RYR2: variants seen among roughly 807,000 people sequenced by gnomAD.
The protein encoded by RYR2 is cardiac muscle ryanodine receptor-calcium release channel.
A neutral mutation model predicts 601.1 loss-of-function variants in RYR2; 227 were observed. The ratio of observed to expected loss-of-function variants is 0.38; its 90% CI spans 0.34 to 0.42. The LOEUF is 0.42. Among genes scored for constraint, RYR2 ranks in the 10% least tolerant of loss-of-function variants. The pLI is 1.00. For missense variants in RYR2, 4,646 were observed against 6,156.5 expected (o/e 0.75, Z 8.21); for synonymous variants, 2,223 against 2,175.1 (o/e 1.02, Z -0.61).
chr1:237,594,885 G>GGTTTTTTTTTTT (rs1675638353), intron 33 of RYR2, among the ~76,000 whole-genome samples: 1 of 79,048 alleles, frequency 1.3e-5, no homozygotes, highest in African/African-American at 7.2e-5. Flanking sequence ...AATATCACTG[G>GGTTTTTTTTTTT]GTTTTTTTTT....
At position 237,768,795 on chromosome 1, in the gene RYR2, A is replaced by G. The variant is rs73102000; in HGVS notation, c.11477-2012A>G. Among the ~76,000 whole-genome samples, 343 of 152,262 alleles carry G rather than the reference A, an allele frequency of 2.3e-3. 2 individuals are homozygous for G. Among genetic ancestry groups the G allele is most frequent in the African/African-American group, 8.1e-3 (337 of 41,538 alleles). The stretch of plus-strand genomic sequence containing the variant: ...TCAGATAGGAATGTCTTCATTAAGC[A>G]ACAGTACCCCAGCTTATACCTGGTA... On this transcript the variant is annotated intron_variant, in intron 84 of 104. Coordinates refer to ENST00000366574, the MANE Select transcript of RYR2 (RefSeq NM_001035.3).
chr1:237,622,861 C>T (rs1679215826), intron 38 of RYR2, among the ~76,000 whole-genome samples: 1 of 152,106 alleles, frequency 6.6e-6, no homozygotes, highest in South Asian at 2.1e-4. Context: ...GGTCCTGGAA[C>T]CAATACTCCA....
chr1:237,663,267 G>A (rs138659694), intron 56 of RYR2, among the ~76,000 whole-genome samples: 144 of 152,016 alleles, frequency 9.5e-4, no homozygotes, highest in African/African-American at 3.1e-3. Flanking sequence ...AAACCTCTTC[G>A]TCTTTTTTTA....
Position 237,266,169 on chromosome 1 carries a change from C to T in RYR2, c.49-4328C>T, listed in dbSNP as rs192113874. Reference sequence around the variant, plus strand: ...GCAAGACATATGAATTACAAGTCTGCACCTCAGCGGCTGAATAGCAAAGAC... The same window carrying T: ...GCAAGACATATGAATTACAAGTCTGTACCTCAGCGGCTGAATAGCAAAGAC... On this transcript the variant is annotated intron_variant, in intron 1 of 104. Coordinates refer to ENST00000366574, the MANE Select transcript of RYR2 (RefSeq NM_001035.3). Among the ~76,000 whole-genome samples, 17 of 152,264 alleles carry T rather than the reference C, an allele frequency of 1.1e-4. 1 individual carries two copies. Among genetic ancestry groups the T allele is most frequent in the Admixed American group, 1.1e-3 (17 of 15,288 alleles).
intron 5 of RYR2, among the ~76,000 whole-genome samples, chr1:237,365,006 G>A (rs888645188): frequency 2.6e-5 from 4 of 152,182 alleles, no homozygotes; most frequent in Non-Finnish European, 4.4e-5. Context: ...ACATGTCATC[G>A]AAGGAATATG....
chr1:237,231,803 C>T (rs934586545), intron 1 of RYR2, among the ~76,000 whole-genome samples: 1 of 152,086 alleles, frequency 6.6e-6, no homozygotes, highest in Non-Finnish European at 1.5e-5. Context: ...TTTCCACTTC[C>T]CTACTCCCAC....
intron 8 of RYR2, among the ~76,000 whole-genome samples, chr1:237,386,805 A>C (rs970876606): frequency 8.5e-5 from 13 of 152,296 alleles, no homozygotes; most frequent in African/African-American, 3.1e-4. Context: ...CAAATTGCAG[A>C]TAACAGTTCC....
chr1:237,042,393 C>A lies in RYR2; in HGVS notation c.-129C>A. On this transcript the variant is annotated 5_prime_UTR_variant, in exon 1 of 105. Transcript: ENST00000366574. ...CAGGCGGGGACCGCCCGGCGCTCGG[C>A]ACCCGGCAGCGCGGCCCCCTCCAGC... The A allele has an allele frequency of 2.2e-6, 2 of 929,646 alleles. No homozygotes were observed. Among genetic ancestry groups the A allele is most frequent in the Non-Finnish European group, 2.8e-6 (2 of 726,912 alleles). The allele number at this position is 929,646 out of a possible 1,614,324, so 57.6% of individuals were successfully genotyped here. A position where few individuals can be genotyped will look rare whatever the true frequency, so the allele number is the denominator to read the frequency against.
intron 1 of RYR2, among the ~76,000 whole-genome samples, chr1:237,043,592 T>G (rs1660202156): frequency 6.6e-6 from 1 of 152,118 alleles, no homozygotes; most frequent in South Asian, 2.1e-4. Context: ...TGCCCTAACT[T>G]CCTGCTAATA....
chr1:237,832,432 C>T (rs1004783788), intron 104 of RYR2, 120 bp from the exon 105 acceptor site: 1 of 553,380 alleles, frequency 1.8e-6, no homozygotes, highest in East Asian at 3.0e-5. Context: ...TAGGAACCAT[C>T]TAAATTAATG....
At chr1:237,481,809 CAAAAAAAAAAAAAAA>C (rs553197529) in intron 17 of RYR2, among the ~76,000 whole-genome samples, 1 of 46,878 alleles carries the variant, frequency 2.1e-5, no homozygotes, top group Non-Finnish European at 4.2e-5. Context: ...TGCTGTGTAG[CAAAAAAAAAAAAAAA>C]AAAAAAAAAA....
chr1:237,414,359 C>G (rs951849585), intron 10 of RYR2, among the ~76,000 whole-genome samples: 1 of 152,142 alleles, frequency 6.6e-6, no homozygotes, highest in Non-Finnish European at 1.5e-5. Flanking sequence ...AAGTGGTTCT[C>G]AAAATATGGA....
chr1:237,673,972 A>T, intron 58 of RYR2, 124 bp from the exon 59 acceptor site: 3 of 675,160 alleles, frequency 4.4e-6, no homozygotes, highest in Non-Finnish European at 7.6e-6. Flanking sequence ...GAAGAGTCTT[A>T]TATGCTCTAT....
At position 237,625,810 on chromosome 1, in the gene RYR2, C is replaced by T. The variant is rs1679584792; in HGVS notation, c.6166+6C>T. 1.2e-6 allele frequency: 2 copies of T among 1,612,922 alleles called. No homozygotes were observed. Among genetic ancestry groups the T allele is most frequent in the Non-Finnish European group, 1.7e-6 (2 of 1,179,422 alleles). ...GAGTGACTCCAAAAAGTCCTGTAAG[C>T]AGTATGAGAGTGCACTGGCAGAATG... is the stretch of plus-strand genomic sequence containing the variant. On this transcript the variant is annotated splice_donor_region_variant and intron_variant, in intron 40 of 104. Coordinates refer to ENST00000366574, the MANE Select transcript of RYR2 (RefSeq NM_001035.3).
chr1:237,276,475 A>G (rs982905854), intron 2 of RYR2, among the ~76,000 whole-genome samples: 2 of 152,222 alleles, frequency 1.3e-5, no homozygotes, highest in African/African-American at 4.8e-5. Context: ...GAGAAGAACA[A>G]CAAAGCAAAA....
chr1:237,096,870 C>T (rs1320525655), intron 1 of RYR2, among the ~76,000 whole-genome samples: 1 of 152,120 alleles, frequency 6.6e-6, no homozygotes, highest in Admixed American at 6.5e-5. Flanking sequence ...GGAGAGCTTG[C>T]CTCCTAAATT....
Position 237,667,886 on chromosome 1 carries a change from A to G in RYR2, c.8518A>G (p.Met2840Val). 1.3e-6 allele frequency: 2 copies of G among 1,578,618 alleles called. No individual in the cohort carries two copies. The highest frequency in any genetic ancestry group is 4.6e-5 in the East Asian group (2 of 43,420). ...TAAATATTTTTGTTCATTTAAGGCTATGGCAGAAATGATGGCTGAAAACTA... is the reference window on the plus strand; with the variant it reads ...TAAATATTTTTGTTCATTTAAGGCTGTGGCAGAAATGATGGCTGAAAACTA... ...NVTLSRDLHA[M>V]AEMMAENYHN... The change falls in exon 58 of 105, where the codon ATG becomes GTG. Residue 2840 changes from methionine to valine, a missense_variant. By Grantham distance (21) the Met-to-Val change is conservative. This residue lies in a region of RYR2 where 1,497 missense variants were observed against 1,842.6 expected (regional missense o/e 0.81). Transcript: ENST00000366574.
intron 2 of RYR2, among the ~76,000 whole-genome samples, chr1:237,307,321 CCTT>C (rs1250682598): frequency 6.6e-6 from 1 of 152,188 alleles, no homozygotes; most frequent in African/African-American, 2.4e-5. Context: ...TAATCCAGTT[CCTT>C]CTAACTACAG....
rs1243409978 is a variant in RYR2 at position 237,680,553 on chromosome 1, A to G, written c.8993A>G (p.Asn2998Ser). Reference protein sequence around the residue: ...RPLCSGGHASNKEKEMVTSLF... With the variant: ...RPLCSGGHASSKEKEMVTSLF... Reference sequence around the variant, plus strand: ...CTCTGCTCTGGAGGACATGCTTCCAACAAAGAGAAAGAAATGGTGACTAGG... The same window carrying G: ...CTCTGCTCTGGAGGACATGCTTCCAGCAAAGAGAAAGAAATGGTGACTAGG... Residue 2998 changes from asparagine (N) to serine (S), a missense_variant, in exon 62 of 105, where the codon AAC (asparagine) becomes AGC (serine). Physicochemically the swap from Asn to Ser is conservative, Grantham distance 46 (BLOSUM62 1). This residue lies in a region of RYR2 where 1,497 missense variants were observed against 1,842.6 expected (regional missense o/e 0.81). Transcript: ENST00000366574. The G allele has an allele frequency of 2.0e-5, 32 of 1,604,882 alleles. No individual in the cohort carries two copies. The highest frequency in any genetic ancestry group is 2.6e-5 in the Non-Finnish European group (31 of 1,174,892).
Sources: gnomAD v4.1 joint callset for allele counts (sites outside exome capture counted in the v4.1 genomes callset) on GRCh38, gnomAD v4.1.1 for gene constraint, gnomAD v4.1.1 regional missense constraint, MANE v1.5 for transcripts, NCBI Gene and HGNC (gene_info 2026-07-23, HGNC 2026-07-21) for gene names.